CADPS: variants seen among roughly 807,000 people sequenced by gnomAD.
CADPS encodes the protein calcium-dependent secretion activator 1.
In CADPS, 57 loss-of-function variants were observed where a neutral mutation model predicts 167.3. That is an observed-to-expected ratio of 0.34 (90% CI 0.28 to 0.42). The LOEUF (loss-of-function observed/expected upper bound fraction) is 0.42, where lower values mean the gene tolerates loss of function less well. CADPS is among the 20% of genes least tolerant of loss of function. The probability of loss-of-function intolerance (pLI) is 1.00; values close to 1 mark genes in which losing one functional copy is unlikely to be tolerated. For synonymous variants in CADPS, 676 were observed against 635.3 expected, an observed-to-expected ratio of 1.06 and a Z score of -0.96; for missense variants, 1,414 against 1,738.1, an observed-to-expected ratio of 0.81 and a Z score of 3.32.
At chr3:62,869,023 G>A (rs2082179671) in intron 1 of CADPS, among the ~76,000 whole-genome samples, 1 of 152,072 alleles carries the variant, frequency 6.6e-6, no homozygotes, top group Admixed American at 6.5e-5. Flanking sequence ...CTCAGTGCTT[G>A]AGAGCAGAAG....
intron 3 of CADPS, among the ~76,000 whole-genome samples, chr3:62,750,737 C>T (rs1388391789): frequency 6.6e-6 from 1 of 152,166 alleles, no homozygotes. Flanking sequence ...GGGACTGTGC[C>T]TGCATATTGT....
chr3:62,807,847 C>T (rs2094180145), intron 1 of CADPS, among the ~76,000 whole-genome samples: 2 of 151,504 alleles, frequency 1.3e-5, no homozygotes, highest in Non-Finnish European at 2.9e-5. Context: ...TTTTTAGGTA[C>T]TACCAACTTG....
At chr3:62,550,234 A>T (rs886228018) in intron 10 of CADPS, 119 bp from the exon 11 acceptor site, 2 of 709,170 alleles carry the variant, frequency 2.8e-6, no homozygotes, top group African/African-American at 3.5e-5. Flanking sequence ...GGGGGTAGTG[A>T]TTAACTTAGG....
At chr3:62,447,578 G>A (rs762094027) in intron 26 of CADPS, among the ~76,000 whole-genome samples, 1 of 152,150 alleles carries the variant, frequency 6.6e-6, no homozygotes, top group African/African-American at 2.4e-5. Context: ...AATTTATAGA[G>A]GGAAGCAATG....
At chr3:62,616,515 T>G (rs77596649) in intron 6 of CADPS, among the ~76,000 whole-genome samples, 2,366 of 152,288 alleles carry the variant, frequency 0.016, 22 homozygotes, top group Non-Finnish European at 0.022. Flanking sequence ...TACATTCAGA[T>G]CTTACCATGT....
chr3:62,855,089 TAA>T (rs1491182670), intron 1 of CADPS, among the ~76,000 whole-genome samples: 15 of 111,184 alleles, frequency 1.3e-4, no homozygotes, highest in African/African-American at 5.3e-4. Context: ...CATGCCCGGC[TAA>T]TTTTTTTTTT....
chr3:62,841,586 A>T (rs2076655838), intron 1 of CADPS, among the ~76,000 whole-genome samples: 1 of 152,150 alleles, frequency 6.6e-6, no homozygotes. Context: ...GCGTGGTGGC[A>T]TGTGCCTGTA....
At chr3:62,585,703 T>G (rs949681580) in intron 7 of CADPS, among the ~76,000 whole-genome samples, 1 of 152,244 alleles carries the variant, frequency 6.6e-6, no homozygotes, top group African/African-American at 2.4e-5. Context: ...TTTAGTCCAC[T>G]CTTTTTCTCC....
intron 26 of CADPS, among the ~76,000 whole-genome samples, chr3:62,462,026 C>T (rs1445527182): frequency 6.6e-6 from 1 of 152,224 alleles, no homozygotes; most frequent in Non-Finnish European, 1.5e-5. Flanking sequence ...AAAGCATTGT[C>T]ACTTTCTGTG....
chr3:62,849,085 G>A (rs1384367605), intron 1 of CADPS, among the ~76,000 whole-genome samples: 1 of 150,676 alleles, frequency 6.6e-6, no homozygotes, highest in Non-Finnish European at 1.5e-5. Flanking sequence ...TTTGTCTGTT[G>A]TTGGTGTATA....
chr3:62,575,784 G>C (rs540160441), intron 8 of CADPS, among the ~76,000 whole-genome samples: 1 of 152,330 alleles, frequency 6.6e-6, no homozygotes, highest in South Asian at 2.1e-4. Flanking sequence ...TAATTGAACA[G>C]AGGGGATTTC....
At chr3:62,782,701 T>C (rs2152672261) in intron 1 of CADPS, among the ~76,000 whole-genome samples, 1 of 152,048 alleles carries the variant, frequency 6.6e-6, no homozygotes, top group South Asian at 2.1e-4. Flanking sequence ...GCCTCGAAAA[T>C]TATCTTTGGT....
rs2063666364 is a variant in CADPS at position 62,491,387 on chromosome 3, G to T, written c.2978C>A (p.Ala993Glu). ...RYVDLMESSI[A>E]QSIHRGFERE... ...CTCAAAGCCCCTGTGAATGGATTGT[G>T]CAATTGAGGACTCCATCAGATCCAC... The change falls in exon 21 of 30, where the codon GCA (alanine) becomes GAA (glutamate). Residue 993 changes from alanine to glutamate, a missense_variant. Transcript: ENST00000383710. The T allele has an allele frequency of 1.2e-6, 2 of 1,614,048 alleles. No individual in the cohort carries two copies. The highest frequency in any genetic ancestry group is 2.2e-5 in the East Asian group (1 of 44,896).
intron 8 of CADPS, among the ~76,000 whole-genome samples, chr3:62,577,370 T>C (rs2082489429): frequency 6.6e-6 from 1 of 152,190 alleles, no homozygotes; most frequent in Non-Finnish European, 1.5e-5. Flanking sequence ...CTTGAACTTA[T>C]TCCTCCTTGT....
At chr3:62,644,790 C>G (rs7619205) in intron 6 of CADPS, among the ~76,000 whole-genome samples, 2 of 152,190 alleles carry the variant, frequency 1.3e-5, no homozygotes, top group South Asian at 4.1e-4. Context: ...CTCATATGTC[C>G]TAAGGAAGGC....
At chr3:62,716,907 T>C (rs150793047) in intron 3 of CADPS, among the ~76,000 whole-genome samples, 6 of 152,322 alleles carry the variant, frequency 3.9e-5, no homozygotes, top group African/African-American at 1.4e-4. Flanking sequence ...ATGTTAATGG[T>C]TCATAAGATC....
At chr3:62,836,865 G>T (rs1284011780) in intron 1 of CADPS, among the ~76,000 whole-genome samples, 1 of 152,068 alleles carries the variant, frequency 6.6e-6, no homozygotes, top group Non-Finnish European at 1.5e-5. Flanking sequence ...ATAAAAGAAA[G>T]AATCAGGAAC....
intron 3 of CADPS, among the ~76,000 whole-genome samples, chr3:62,669,186 C>A (rs199747719): frequency 1.3e-5 from 2 of 152,258 alleles, no homozygotes; most frequent in East Asian, 3.9e-4. Context: ...CCCAGTGTGC[C>A]CCCTGGGTTC....
chr3:62,585,018 A>G lies in CADPS; in HGVS notation c.1577+167T>C, dbSNP rs534104496. On this transcript the variant is annotated intron_variant, in intron 8 of 29. Transcript: ENST00000383710. ...GCAAAAATGCAAATACAGTCATCCT[A>G]AGAATTGAGGAAGTTTACAGTAAAT... Among the ~76,000 whole-genome samples the G allele has an allele frequency of 2.6e-5, 4 of 152,390 alleles. No individual in the cohort carries two copies. In the East Asian group the frequency reaches 7.7e-4, roughly 29 times the overall value.
Sources: allele counts gnomAD v4.1 joint callset (sites outside exome capture counted in the v4.1 genomes callset), GRCh38; gene constraint gnomAD v4.1.1; transcripts MANE v1.5; gene names NCBI Gene and HGNC (gene_info 2026-07-23, HGNC 2026-07-21).